The following FGF14 variants were observed in gnomAD, a reference collection of about 807,000 sequenced individuals.
The protein encoded by FGF14 is fibroblast growth factor homologous factor 4.
A neutral mutation model predicts 25.5 loss-of-function variants in FGF14; 5 were observed. The ratio of observed to expected loss-of-function variants is 0.20; its 90% CI spans 0.10 to 0.41. The LOEUF (loss-of-function observed/expected upper bound fraction) is 0.41, where lower values mean the gene tolerates loss of function less well. Among genes scored for constraint, FGF14 ranks in the 10% least tolerant of loss-of-function variants. The pLI, the probability that FGF14 is intolerant of heterozygous loss-of-function variation, is 1.00. For synonymous variants in FGF14, 138 were observed against 118.3 expected, an observed-to-expected ratio of 1.17 and a Z score of -1.08; for missense variants, 222 against 320.1, an observed-to-expected ratio of 0.69 and a Z score of 2.34.
rs544854076 is a variant in FGF14 at position 102,072,145 on chromosome 13, A to G, written c.209-196849T>C. On this transcript the variant is annotated intron_variant, in intron 1 of 4. Coordinates refer to the FGF14 transcript ENST00000376131. ...GAAGAACAGAAAATCACAAAGCAGG[A>G]AAAGGCAATGTATAAAGGCATTATA... Among the ~76,000 whole-genome samples, 5 of 152,328 alleles carry G rather than the reference A, an allele frequency of 3.3e-5. No homozygotes were observed. The South Asian group carries it at 1.0e-3, about 32-fold the overall frequency.
chr13:101,970,861 C>A (rs376309386), intron 1 of FGF14, among the ~76,000 whole-genome samples: 1 of 152,150 alleles, frequency 6.6e-6, no homozygotes, highest in Non-Finnish European at 1.5e-5. Flanking sequence ...ACTCTACCAA[C>A]CCTCCCATAG....
intron 3 of FGF14, among the ~76,000 whole-genome samples, chr13:101,837,099 A>T (rs918375914): frequency 6.6e-6 from 1 of 152,026 alleles, no homozygotes; most frequent in Non-Finnish European, 1.5e-5. Context: ...TCATTATCTA[A>T]TGAAACACTG....
intron 1 of FGF14, among the ~76,000 whole-genome samples, chr13:102,329,527 G>A (rs1225268931): frequency 6.6e-6 from 1 of 152,100 alleles, no homozygotes; most frequent in Non-Finnish European, 1.5e-5. Flanking sequence ...TCCCTTCCCT[G>A]TTGGAGTTCT....
intron 1 of FGF14, among the ~76,000 whole-genome samples, chr13:102,079,753 TAC>T (rs1309037660): frequency 1.3e-5 from 2 of 152,112 alleles, no homozygotes; most frequent in Admixed American, 1.3e-4. Context: ...TATACACACA[TAC>T]ATATAGATAG....
intron 1 of FGF14, among the ~76,000 whole-genome samples, chr13:102,254,830 T>C (rs1296706537): frequency 1.3e-5 from 2 of 152,184 alleles, no homozygotes; most frequent in Non-Finnish European, 2.9e-5. Flanking sequence ...ACCACTGACA[T>C]AGCTGAAGTC....
intron 1 of FGF14, among the ~76,000 whole-genome samples, chr13:102,200,619 G>GTT (rs5806283): frequency 0.054 from 7,773 of 144,970 alleles, 259 homozygotes; most frequent in Non-Finnish European, 0.078. Flanking sequence ...CCATTTGATT[G>GTT]TTTTTTTTTT....
At chr13:102,088,322 T>TA (rs1333908254) in intron 1 of FGF14, among the ~76,000 whole-genome samples, 1 of 152,184 alleles carries the variant, frequency 6.6e-6, no homozygotes, top group Non-Finnish European at 1.5e-5. Flanking sequence ...GGAAAAGTAA[T>TA]AAAAATGGTA....
At position 102,067,708 on chromosome 13, in the gene FGF14, C is replaced by CAG. The variant is rs898928424; in HGVS notation, c.209-192414_209-192413dup. On this transcript the variant is annotated intron_variant, in intron 1 of 4. Coordinates refer to the FGF14 transcript ENST00000376131. ...ACTTACTGGCCTTAAAGAGGAGAGA[C>CAG]AGAGAGAGAGAGAGATTAGGGTGGA... 1.1e-4 allele frequency among the ~76,000 whole-genome samples: 16 copies of CAG among 148,420 alleles called. No individual in the cohort carries two copies. The South Asian group carries it at 1.1e-3, about 10-fold the overall frequency.
At chr13:102,338,381 T>C (rs1284722673) in intron 1 of FGF14, among the ~76,000 whole-genome samples, 2 of 152,180 alleles carry the variant, frequency 1.3e-5, no homozygotes, top group African/African-American at 2.4e-5. Context: ...AAAAGGAGAC[T>C]GGAGAATCCT....
chr13:102,182,161 G>T (rs1223193561), intron 1 of FGF14, among the ~76,000 whole-genome samples: 1 of 152,086 alleles, frequency 6.6e-6, no homozygotes, highest in African/African-American at 2.4e-5. Flanking sequence ...TTTCCAGGCT[G>T]CAGTAGAGAG....
chr13:102,374,794 T>G (rs2057998567), intron 1 of FGF14, among the ~76,000 whole-genome samples: 1 of 149,982 alleles, frequency 6.7e-6, no homozygotes, highest in Admixed American at 6.7e-5. Flanking sequence ...CTGGTGGTTT[T>G]TCAATTAAGG....
intron 1 of FGF14, among the ~76,000 whole-genome samples, chr13:102,302,431 GC>G (rs1477797989): frequency 2.6e-5 from 4 of 152,018 alleles, no homozygotes; most frequent in Non-Finnish European, 4.4e-5. Flanking sequence ...CAACAGTCCA[GC>G]TCCAAACCAG....
intron 1 of FGF14, among the ~76,000 whole-genome samples, chr13:101,900,223 G>A (rs746736038): frequency 3.3e-5 from 5 of 152,088 alleles, no homozygotes; most frequent in Non-Finnish European, 7.4e-5. Context: ...TTCCATGAAT[G>A]TTTAAATTCT....
chr13:102,172,880 T>C (rs776885593), intron 1 of FGF14, among the ~76,000 whole-genome samples: 27 of 152,128 alleles, frequency 1.8e-4, no homozygotes, highest in Non-Finnish European at 2.8e-4. Flanking sequence ...GATACTGAAG[T>C]GTCAATGGAC....
chr13:102,218,487 G>A (rs548454219), intron 1 of FGF14, among the ~76,000 whole-genome samples: 19 of 151,402 alleles, frequency 1.3e-4, no homozygotes, highest in South Asian at 4.2e-4. Context: ...TGGAGAACTC[G>A]GAATCTTCTG....
At chr13:101,831,175 A>C (rs1201195150) in intron 3 of FGF14, among the ~76,000 whole-genome samples, 1 of 152,092 alleles carries the variant, frequency 6.6e-6, no homozygotes, top group African/African-American at 2.4e-5. Context: ...TTTGAGAATG[A>C]AATGAAACAT....
intron 1 of FGF14, among the ~76,000 whole-genome samples, chr13:102,262,500 A>C (rs1294813466): frequency 6.6e-6 from 1 of 152,126 alleles, no homozygotes; most frequent in Non-Finnish European, 1.5e-5. Context: ...CTTGGTGGGT[A>C]ATTGTTTATT....
chr13:101,813,847 A>G (rs1384884119), intron 3 of FGF14, among the ~76,000 whole-genome samples: 2 of 152,228 alleles, frequency 1.3e-5, no homozygotes, highest in East Asian at 1.9e-4. Context: ...TCCTAAAACC[A>G]TAATAACAGC....
intron 1 of FGF14, among the ~76,000 whole-genome samples, chr13:102,182,632 C>T (rs2140761400): frequency 6.6e-6 from 1 of 151,942 alleles, no homozygotes; most frequent in Non-Finnish European, 1.5e-5. Flanking sequence ...GCATCTTGGC[C>T]CATAAAGTCT....
Sources: allele counts gnomAD v4.1 joint callset (sites outside exome capture counted in the v4.1 genomes callset), GRCh38; gene constraint gnomAD v4.1.1; transcripts MANE v1.5; gene names NCBI Gene and HGNC (gene_info 2026-07-23, HGNC 2026-07-21).